The following UPF2 variants were observed in gnomAD, a reference collection of about 807,000 sequenced individuals.
The protein encoded by UPF2 is UPF2 regulator of nonsense mediated mRNA decay.
UPF2 carries 17 observed loss-of-function variants against 141.4 expected under a neutral mutation model. That is an observed-to-expected ratio of 0.12 (90% CI 0.08 to 0.18). UPF2 has a LOEUF of 0.18. Ranked by LOEUF, UPF2 falls within the 10% of genes least tolerant of loss-of-function variation. The probability of loss-of-function intolerance (pLI) is 1.00; values close to 1 mark genes in which losing one functional copy is unlikely to be tolerated. For missense variants in UPF2, 1,152 were observed against 1,515.9 expected (o/e 0.76, Z 3.99); for synonymous variants, 540 against 498.0 (o/e 1.08, Z -1.12).
intron 12 of UPF2, among the ~76,000 whole-genome samples, chr10:11,958,061 T>A (rs1046460115): frequency 2.0e-5 from 3 of 152,054 alleles, no homozygotes; most frequent in African/African-American, 7.2e-5. Context: ...ATTATAAAAA[T>A]GTTAGTGGCC....
At position 12,042,744 on chromosome 10, in the gene UPF2, C is replaced by T. The variant is rs1168031455; in HGVS notation, c.-19+11G>A. The T allele has an allele frequency of 6.6e-6, 1 of 152,436 alleles. No individual in the cohort carries two copies. Among genetic ancestry groups the T allele is most frequent in the Non-Finnish European group, 1.5e-5 (1 of 68,280 alleles). The allele number at this position is 152,436 out of a possible 1,614,324, so 9.4% of individuals were successfully genotyped here. A position where few individuals can be genotyped will look rare whatever the true frequency, so the allele number is the denominator to read the frequency against. ...TTGGAGCGGAGGGGAAGGAGGATCC[C>T]CGGGACTCACCTCGAGCCTGTTGTC... On this transcript the variant is annotated intron_variant, in intron 1 of 21. Coordinates refer to ENST00000357604, the MANE Select transcript of UPF2 (RefSeq NM_015542.4). The surrounding 1 kb of genome is among the most constrained non-coding windows in gnomAD (Gnocchi z 5.5).
At chr10:12,040,853 T>C (rs1834724372) in intron 1 of UPF2, among the ~76,000 whole-genome samples, 1 of 152,218 alleles carries the variant, frequency 6.6e-6, no homozygotes, top group Admixed American at 6.5e-5. Context: ...TTAATAAATG[T>C]TCTGTCACAA....
rs189838434 is a variant in UPF2, at chr10:12,028,174, T to C, written c.1145+571A>G. Among the ~76,000 whole-genome samples the C allele has an allele frequency of 4.6e-3, 695 of 152,294 alleles. 17 individuals are homozygous for C. The highest frequency in any genetic ancestry group is 9.6e-3 in the East Asian group (50 of 5,188). On this transcript the variant is annotated intron_variant, in intron 3 of 21. Coordinates refer to ENST00000357604, the MANE Select transcript of UPF2 (RefSeq NM_015542.4). ...TACCACAGGCACAGTACATTCCTCC[T>C]TTAGAATTTTAAATGAATGCCCCCA...
chr10:11,974,283 A>C (rs1473290743), intron 9 of UPF2, among the ~76,000 whole-genome samples: 1 of 152,170 alleles, frequency 6.6e-6, no homozygotes, highest in East Asian at 1.9e-4. Context: ...TTGGGCTGAG[A>C]CGATGGGGCT....
intron 3 of UPF2, among the ~76,000 whole-genome samples, chr10:12,022,464 GAATT>G (rs1588574850): frequency 1.3e-5 from 2 of 151,462 alleles, no homozygotes; most frequent in South Asian, 2.1e-4. Context: ...TTTCATTTTA[GAATT>G]ATTTATGGAT....
Position 11,953,463 on chromosome 10 carries a change from A to C in UPF2, c.2851-1214T>G, listed in dbSNP as rs11257447. On this transcript the variant is annotated intron_variant, in intron 14 of 21. Coordinates refer to ENST00000357604, the MANE Select transcript of UPF2 (RefSeq NM_015542.4). This position sits in a 1 kb window ranked among gnomAD's most constrained non-coding sequence, Gnocchi z 5.0. Reference sequence around the variant, plus strand: ...GTGAAACACACAGACCTCATCACCCAGGCCTCACTCACTTCTGACTCCAAT... The same window carrying C: ...GTGAAACACACAGACCTCATCACCCCGGCCTCACTCACTTCTGACTCCAAT... Among the ~76,000 whole-genome samples the C allele has an allele frequency of 0.064, 9,810 of 152,280 alleles. 559 individuals carry two copies. The highest frequency in any genetic ancestry group is 0.25 in the East Asian group (1,278 of 5,178).
At chr10:11,984,167 C>T (rs1034407385) in intron 8 of UPF2, among the ~76,000 whole-genome samples, 2 of 151,398 alleles carry the variant, frequency 1.3e-5, no homozygotes, top group African/African-American at 4.9e-5. Flanking sequence ...GGTGACCCGC[C>T]GCCTTTGCCT....
intron 18 of UPF2, among the ~76,000 whole-genome samples, chr10:11,937,009 C>G (rs1462955371): frequency 2.6e-5 from 4 of 152,226 alleles, no homozygotes; most frequent in African/African-American, 9.6e-5. Flanking sequence ...TACCAAATCC[C>G]CCTGCTCCTC....
At position 11,938,643 on chromosome 10, in the gene UPF2, T is replaced by TAA. The variant is rs200008959; in HGVS notation, c.3379-1933_3379-1932dup. 6.5e-4 allele frequency among the ~76,000 whole-genome samples: 95 copies of TAA among 145,736 alleles called. 1 individual carries two copies. The East Asian group carries it at 7.9e-3, about 12-fold the overall frequency. ...GATTTTGCCATTACCTTTCACACAA[T>TAA]AAAAAAAAAAACTAGATCATTCATC... On this transcript the variant is annotated intron_variant, in intron 18 of 21. Transcript: ENST00000357604.
chr10:11,965,718 C>T (rs959811348), intron 10 of UPF2, among the ~76,000 whole-genome samples: 4 of 152,132 alleles, frequency 2.6e-5, no homozygotes, highest in African/African-American at 9.7e-5. Context: ...CTCGGCCTCC[C>T]AAAGTGCTGG....
intron 8 of UPF2, among the ~76,000 whole-genome samples, chr10:11,987,670 G>A (rs1833714870): frequency 6.8e-6 from 1 of 146,648 alleles, no homozygotes; most frequent in African/African-American, 2.5e-5. Flanking sequence ...GCTGAGGCGG[G>A]AGAATCACTT....
At chr10:11,996,292 A>T (rs1167403409) in intron 8 of UPF2, among the ~76,000 whole-genome samples, 1 of 152,056 alleles carries the variant, frequency 6.6e-6, no homozygotes, top group African/African-American at 2.4e-5. Flanking sequence ...TCTATTTCTC[A>T]TGGCTCTAGA....
At chr10:11,965,183 T>C (rs1254074516) in intron 10 of UPF2, among the ~76,000 whole-genome samples, 1 of 152,226 alleles carries the variant, frequency 6.6e-6, no homozygotes, top group African/African-American at 2.4e-5. Flanking sequence ...TTATGATTAT[T>C]TCCTTAAAAT....
intron 3 of UPF2, among the ~76,000 whole-genome samples, chr10:12,020,710 C>T (rs573483680): frequency 1.4e-4 from 22 of 152,284 alleles, no homozygotes; most frequent in African/African-American, 4.1e-4. Flanking sequence ...ATATGATTCA[C>T]ATTTACCTCA....
At chr10:12,000,176 G>A (rs1323069383) in intron 6 of UPF2, among the ~76,000 whole-genome samples, 167 bp from the exon 7 acceptor site, 3 of 152,092 alleles carry the variant, frequency 2.0e-5, no homozygotes, top group African/African-American at 7.2e-5. Flanking sequence ...GGTAACTCTA[G>A]AATCATAACA....
At chr10:12,037,588 T>A (rs190790385) in intron 1 of UPF2, among the ~76,000 whole-genome samples, 41 of 151,578 alleles carry the variant, frequency 2.7e-4, no homozygotes, top group African/African-American at 9.7e-4. Context: ...TAAAGATGGG[T>A]TTCACCATAT....
intron 1 of UPF2, among the ~76,000 whole-genome samples, chr10:12,041,912 T>C (rs1834741505): frequency 1.3e-5 from 2 of 152,124 alleles, no homozygotes; most frequent in African/African-American, 4.8e-5. Flanking sequence ...GCAAGAGAGC[T>C]GAAGGTCCGA....
chr10:11,949,561 C>T (rs556287795), intron 15 of UPF2, among the ~76,000 whole-genome samples: 3 of 152,072 alleles, frequency 2.0e-5, no homozygotes, highest in Non-Finnish European at 4.4e-5. Flanking sequence ...GATTATAAGA[C>T]CCCTGAGGAC....
chr10:12,014,292 A>G lies in UPF2; in HGVS notation c.1146-108T>C. The G allele has an allele frequency of 9.2e-7, 1 of 1,086,062 alleles. No homozygotes were observed. The highest frequency in any genetic ancestry group is 1.2e-6 in the Non-Finnish European group (1 of 841,762). The allele number at this position is 1,086,062 out of a possible 1,614,324, so 67.3% of individuals were successfully genotyped here. The stretch of plus-strand genomic sequence containing the variant: ...TTGATTTTCTCATACAAATTTAGTA[A>G]AATCTTCATTTTTATTTAACATTTG... On this transcript the variant is annotated intron_variant, in intron 3 of 21. Coordinates refer to ENST00000357604, the MANE Select transcript of UPF2 (RefSeq NM_015542.4). This position sits in a 1 kb window ranked among gnomAD's most constrained non-coding sequence, Gnocchi z 5.0.
Sources: gnomAD v4.1 joint callset for allele counts (sites outside exome capture counted in the v4.1 genomes callset) on GRCh38, gnomAD v4.1.1 for gene constraint, Gnocchi (gnomAD v3.1) non-coding constraint, MANE v1.5 for transcripts, NCBI Gene and HGNC (gene_info 2026-07-23, HGNC 2026-07-21) for gene names.